PAH: variants seen among roughly 807,000 people sequenced by gnomAD.
The protein encoded by PAH is phenylalanine hydroxylase.
Under a neutral mutation model 62.0 loss-of-function variants are expected in PAH, and 64 were observed. The ratio of observed to expected loss-of-function variants is 1.03; its 90% CI spans 0.84 to 1.27. PAH has a LOEUF of 1.27. Among genes scored for constraint, PAH ranks in the 50% most tolerant of loss-of-function variants. The pLI is 0.00. For missense variants in PAH, 579 were observed against 542.8 expected (o/e 1.07, Z -0.66); for synonymous variants, 195 against 196.2 (o/e 0.99, Z 0.05).
At chr12:102,867,845 C>T (rs1034608249) in intron 4 of PAH, among the ~76,000 whole-genome samples, 1 of 103,264 alleles carries the variant, frequency 9.7e-6, no homozygotes, top group Non-Finnish European at 1.9e-5. Context: ...CCCCCTCTCT[C>T]TCTCTATGTA....
chr12:102,943,132 A>T (rs916157933), intron 1 of PAH, among the ~76,000 whole-genome samples: 1 of 152,184 alleles, frequency 6.6e-6, no homozygotes, highest in African/African-American at 2.4e-5. Context: ...TAGAGAAAAA[A>T]GAAGACCCAC....
At chr12:102,872,258 C>T (rs1876377178) in intron 4 of PAH, among the ~76,000 whole-genome samples, 1 of 152,150 alleles carries the variant, frequency 6.6e-6, no homozygotes, top group Non-Finnish European at 1.5e-5. Context: ...CTTGTGCATC[C>T]ATCTTTGTGA....
intron 2 of PAH, among the ~76,000 whole-genome samples, chr12:102,911,082 C>A (rs938401973): frequency 6.6e-6 from 1 of 152,220 alleles, no homozygotes; most frequent in South Asian, 2.1e-4. Context: ...AGCAGGTCCA[C>A]GGAAATGGAA....
upstream of PAH, among the ~76,000 whole-genome samples, chr12:102,921,554 T>G (rs1332025785): frequency 6.6e-6 from 1 of 152,168 alleles, no homozygotes; most frequent in Non-Finnish European, 1.5e-5. Context: ...TTTTAAAAAT[T>G]TTTGTGGTTT....
intron 6 of PAH, among the ~76,000 whole-genome samples, chr12:102,854,094 A>G (rs1036597187): frequency 1.3e-5 from 2 of 152,014 alleles, no homozygotes; most frequent in East Asian, 1.9e-4. Flanking sequence ...TCTTGCCCCC[A>G]TGTTCTCTGT....
chr12:102,917,798 G>T (rs971725120), upstream of PAH, among the ~76,000 whole-genome samples: 4 of 152,180 alleles, frequency 2.6e-5, no homozygotes, highest in African/African-American at 9.7e-5. Context: ...CCAGCTATTC[G>T]CACAACTGCT....
rs191700258 is a variant in PAH, at chr12:102,866,575, C to A, written c.509+21G>T. 35 of 1,606,018 alleles carry A rather than the reference C, an allele frequency of 2.2e-5. No homozygotes were observed. The African/African-American group carries it at 3.7e-4, about 17-fold the overall frequency. On this transcript the variant is annotated intron_variant, in intron 5 of 12. Coordinates refer to ENST00000553106, the MANE Select transcript of PAH (RefSeq NM_000277.3). ...GGGGTGTGTTTTTCTCTCTTCCCCT[C>A]AACAAGCAAGGCAGACTTACTGGCG...
Position 102,837,229 on chromosome 12 carries a change from A to C in PAH, c.*1946T>G, listed in dbSNP as rs1355160566. 6.6e-6 allele frequency: 1 copy of C among 152,232 alleles called. No homozygotes were observed. 9.4% of individuals were successfully genotyped at this position (152,232 alleles called of 1,614,324 possible). On this transcript the variant is annotated 3_prime_UTR_variant, in exon 13 of 13. Transcript: ENST00000553106. ...AACTGAGTAGCACATTACCAAAAATACAAATATTATCTTTCATTCAGTATG... is the reference window on the plus strand; with the variant it reads ...AACTGAGTAGCACATTACCAAAAATCCAAATATTATCTTTCATTCAGTATG...
chr12:102,907,346 TAGAA>T, intron 2 of PAH, among the ~76,000 whole-genome samples: 1 of 152,270 alleles, frequency 6.6e-6, no homozygotes. Flanking sequence ...TGGGGTGTAA[TAGAA>T]AGATCATGGG....
chr12:102,847,607 G>A (rs1291225346), intron 8 of PAH, among the ~76,000 whole-genome samples: 1 of 152,182 alleles, frequency 6.6e-6, no homozygotes, highest in Non-Finnish European at 1.5e-5. Flanking sequence ...GTGAGTTTTA[G>A]TGGAGACAGA....
At chr12:102,943,395 C>T (rs934078552) in intron 1 of PAH, among the ~76,000 whole-genome samples, 9 of 151,990 alleles carry the variant, frequency 5.9e-5, no homozygotes, top group South Asian at 4.2e-4. Flanking sequence ...ATCAGAATGG[C>T]GATCATGAAA....
intron 11 of PAH, among the ~76,000 whole-genome samples, chr12:102,842,123 G>A (rs1009673573): frequency 2.6e-5 from 4 of 152,164 alleles, no homozygotes; most frequent in African/African-American, 9.7e-5. Flanking sequence ...TTCCCTGCTG[G>A]TCTGGGACTG....
At chr12:102,854,967 A>C in intron 6 of PAH, 169 bp downstream of exon 6, 1 of 695,212 alleles carries the variant, frequency 1.4e-6, no homozygotes, top group Non-Finnish European at 2.6e-6. Context: ...GCTGGAGGGA[A>C]GGCAGAGCAC....
At position 102,846,490 on chromosome 12, in the gene PAH, C is replaced by T. The variant is rs529815502; in HGVS notation, c.969+405G>A. On this transcript the variant is annotated intron_variant, in intron 9 of 12. Coordinates refer to ENST00000553106, the MANE Select transcript of PAH (RefSeq NM_000277.3). ...TGTTCAGCAAGAAGGGGAAAGCCCA[C>T]CCCCATTTCTCCCTCATGTCTGAGA... is the stretch of plus-strand genomic sequence containing the variant. Among the ~76,000 whole-genome samples the T allele has an allele frequency of 3.9e-5, 6 of 152,262 alleles. No homozygotes were observed. The South Asian group carries it at 8.3e-4, about 21-fold the overall frequency.
chr12:102,902,727 C>A (rs560827647), intron 2 of PAH, among the ~76,000 whole-genome samples: 2 of 152,330 alleles, frequency 1.3e-5, no homozygotes, highest in Admixed American at 1.3e-4. Context: ...CCACTCTAGT[C>A]TGGAGGAGGA....
At chr12:102,917,366 G>C (rs1217153659), upstream of PAH, 1 of 552,228 alleles carries the variant, frequency 1.8e-6, no homozygotes, top group African/African-American at 1.9e-5. Context: ...AGGACGGGCC[G>C]GAGGGGAGGG....
intron 3 of PAH, among the ~76,000 whole-genome samples, chr12:102,878,203 G>A (rs1454941759): frequency 6.6e-6 from 1 of 152,190 alleles, no homozygotes; most frequent in Non-Finnish European, 1.5e-5. Context: ...ATGAGCTCAT[G>A]AGAACCCATC....
intron 1 of PAH, among the ~76,000 whole-genome samples, chr12:102,934,953 T>C (rs1188784848): frequency 6.6e-6 from 1 of 152,066 alleles, no homozygotes; most frequent in African/African-American, 2.4e-5. Flanking sequence ...GTGGTTAAAG[T>C]AGGCATCCTT....
chr12:102,931,449 T>A (rs1438192738), intron 1 of PAH, among the ~76,000 whole-genome samples: 3 of 152,098 alleles, frequency 2.0e-5, no homozygotes, highest in Admixed American at 2.0e-4. Flanking sequence ...TTGATGATGA[T>A]GGTTAGGAAA....
Sources: gnomAD v4.1 joint callset for allele counts (sites outside exome capture counted in the v4.1 genomes callset) on GRCh38, gnomAD v4.1.1 for gene constraint, MANE v1.5 for transcripts, NCBI Gene and HGNC (gene_info 2026-07-23, HGNC 2026-07-21) for gene names.